PADI2: variants seen among roughly 807,000 people sequenced by gnomAD.
PADI2 encodes the protein peptidyl arginine deiminase 2.
PADI2 carries 70 observed loss-of-function variants against 81.1 expected under a neutral mutation model. That is an observed-to-expected ratio of 0.86 (90% CI 0.71 to 1.05). The LOEUF (loss-of-function observed/expected upper bound fraction) is 1.05, where lower values mean the gene tolerates loss of function less well. Among genes scored for constraint, PADI2 ranks in the 50% least tolerant of loss-of-function variants. The pLI is 0.00. For missense variants in PADI2, 853 were observed against 889.9 expected (o/e 0.96, Z 0.53); for synonymous variants, 338 against 358.0 (o/e 0.94, Z 0.63).
chr1:17,085,476 C>T (rs1256497576), intron 7 of PADI2, among the ~76,000 whole-genome samples: 1 of 152,092 alleles, frequency 6.6e-6, no homozygotes, highest in African/African-American at 2.4e-5. Flanking sequence ...CATCCCCGTC[C>T]CCTATCCTGT....
At chr1:17,069,603 G>A (rs1201679631) in intron 15 of PADI2, among the ~76,000 whole-genome samples, 1 of 152,182 alleles carries the variant, frequency 6.6e-6, no homozygotes, top group Non-Finnish European at 1.5e-5. Flanking sequence ...ATTTATGTGT[G>A]CATGTGTATT....
Position 17,109,824 on chromosome 1 carries a change from T to C in PADI2, c.93-4763A>G, listed in dbSNP as rs79089884. On this transcript the variant is annotated intron_variant, in intron 1 of 15. Coordinates refer to ENST00000375486, the MANE Select transcript of PADI2 (RefSeq NM_007365.3). The stretch of plus-strand genomic sequence containing the variant: ...CTATTATTTCATCTGGTTTTATATA[T>C]TGAGCTTCTGCACACAATTCTATTT... 1.1e-4 allele frequency among the ~76,000 whole-genome samples: 17 copies of C among 152,310 alleles called. No homozygotes were observed. In the East Asian group the frequency reaches 3.1e-3, roughly 28 times the overall value.
intron 3 of PADI2, among the ~76,000 whole-genome samples, chr1:17,098,124 C>G (rs1292545027): frequency 6.6e-6 from 1 of 152,174 alleles, no homozygotes; most frequent in Non-Finnish European, 1.5e-5. Context: ...GAGCCAGGCT[C>G]TCAGCAGGGC....
At chr1:17,075,556 A>G in intron 12 of PADI2, 123 bp downstream of exon 12, 5 of 898,740 alleles carry the variant, frequency 5.6e-6, no homozygotes, top group Non-Finnish European at 6.6e-6. Context: ...AACCAGCTTC[A>G]GCCTACTTCC....
At position 17,106,158 on chromosome 1, in the gene PADI2, C is replaced by A. The variant is rs374482949; in HGVS notation, c.93-1097G>T. 1.8e-4 allele frequency among the ~76,000 whole-genome samples: 27 copies of A among 152,212 alleles called. 1 individual carries two copies. The East Asian group carries it at 4.6e-3, about 26-fold the overall frequency. On this transcript the variant is annotated intron_variant, in intron 1 of 15. Coordinates refer to ENST00000375486, the MANE Select transcript of PADI2 (RefSeq NM_007365.3). ...CTTCCTTCCTGCCACAGCTTTCTTG[C>A]CACCTGACATCCCCCACCTTCTGAG...
chr1:17,104,924 A>C lies in PADI2; in HGVS notation c.230T>G (p.Leu77Arg), dbSNP rs150907149. 6.9e-6 allele frequency: 11 copies of C among 1,602,182 alleles called. No individual in the cohort carries two copies. In the African/African-American group the frequency reaches 1.3e-4, roughly 19 times the overall value. The change falls in exon 2 of 16, where the codon CTG (leucine) becomes CGG (arginine). Residue 77 changes from leucine (L) to arginine (R), a missense_variant. Leu to Arg is a moderately radical substitution (Grantham distance 102). Transcript: ENST00000375486. The stretch of plus-strand genomic sequence containing the variant: ...GCTCGCCTGGCTCATGGTGACCCGC[A>C]GGGTGGTGCTGGGCGAGAGAAGCCA... ...QRWLLSPSTT[L>R]RVTMSQASTE...
At chr1:17,088,799 C>G (rs1009055032) in intron 6 of PADI2, among the ~76,000 whole-genome samples, 3 of 149,006 alleles carry the variant, frequency 2.0e-5, no homozygotes, top group East Asian at 4.0e-4. Context: ...CCTAGCTACT[C>G]GGGAGGCTGA....
chr1:17,074,856 C>T lies in PADI2; in HGVS notation c.1549G>A (p.Gly517Ser), dbSNP rs150557436. 6.2e-7 allele frequency: 1 copy of T among 1,605,580 alleles called. No homozygotes were observed. The highest frequency in any genetic ancestry group is 8.5e-7 in the Non-Finnish European group (1 of 1,173,692). ...DGHGEAIMFK[G>S]LGGMSSKRIT... ...CTGTCAAGGCCCTGTGGCCACTCAC[C>T]TTTGAACATGATGGCCTCTCCATGG... Residue 517 changes from glycine to serine, a missense_variant and splice_region_variant, in exon 13 of 16, where the codon GGC (glycine) becomes AGC (serine). Gly to Ser is a moderately conservative substitution (Grantham distance 56). Transcript: ENST00000375486.
chr1:17,088,962 T>C (rs540502012), intron 6 of PADI2, among the ~76,000 whole-genome samples: 1 of 145,802 alleles, frequency 6.9e-6, no homozygotes, highest in African/African-American at 2.5e-5. Flanking sequence ...TTAACCTCCC[T>C]GAGCCTCAGT....
intron 11 of PADI2, among the ~76,000 whole-genome samples, chr1:17,078,840 T>C (rs1343355065): frequency 6.6e-6 from 1 of 151,904 alleles, no homozygotes; most frequent in Non-Finnish European, 1.5e-5. Flanking sequence ...GGACTACAGA[T>C]GCATGCCACC....
rs2078234820 is a variant in PADI2 at position 17,067,883 on chromosome 1, T to G, written c.*1161A>C. The G allele has an allele frequency of 6.6e-6, 1 of 152,420 alleles. No individual in the cohort carries two copies. Among genetic ancestry groups the G allele is most frequent in the African/African-American group, 2.4e-5 (1 of 41,458 alleles). The allele number at this position is 152,420 out of a possible 1,614,324, so 9.4% of individuals were successfully genotyped here. On this transcript the variant is annotated 3_prime_UTR_variant, in exon 16 of 16. Transcript: ENST00000375486. Reference sequence around the variant, plus strand: ...TGGCCCTAAAGGAACTTTTAACGATTGAAACTGAGTCTTTTCAGTTGGAGC... The same window carrying G: ...TGGCCCTAAAGGAACTTTTAACGATGGAAACTGAGTCTTTTCAGTTGGAGC...
chr1:17,118,835 G>A (rs934362184), intron 1 of PADI2, among the ~76,000 whole-genome samples: 1 of 152,064 alleles, frequency 6.6e-6, no homozygotes, highest in African/African-American at 2.4e-5. Flanking sequence ...CCCAGTCCCC[G>A]GCAAGTCTCC....
Position 17,069,008 on chromosome 1 carries a change from T to G in PADI2, c.*36A>C. 6.8e-7 allele frequency: 1 copy of G among 1,479,680 alleles called. No individual in the cohort carries two copies. The highest frequency in any genetic ancestry group is 9.5e-7 in the Non-Finnish European group (1 of 1,057,572). The allele number at this position is 1,479,680 out of a possible 1,614,324, so 91.7% of individuals were successfully genotyped here. A position where few individuals can be genotyped will look rare whatever the true frequency, so the allele number is the denominator to read the frequency against. ...GCGTGTGAGGGAGGGTCTGGAGAAC[T>G]AAGCGAAGGAGGCAAACGCCAGGGC... On this transcript the variant is annotated 3_prime_UTR_variant, in exon 16 of 16. Transcript: ENST00000375486.
intron 3 of PADI2, among the ~76,000 whole-genome samples, chr1:17,098,316 C>G (rs988453285): frequency 6.6e-6 from 1 of 152,200 alleles, no homozygotes; most frequent in Non-Finnish European, 1.5e-5. Context: ...CGTCTCTAGG[C>G]CGTAAGGTGA....
chr1:17,100,315 C>T (rs1424344780), intron 3 of PADI2, among the ~76,000 whole-genome samples: 1 of 152,140 alleles, frequency 6.6e-6, no homozygotes, highest in East Asian at 1.9e-4. Flanking sequence ...GACAGAGTCT[C>T]ATTCTGTCGC....
chr1:17,116,201 G>T (rs1330276238), intron 1 of PADI2, among the ~76,000 whole-genome samples: 1 of 152,258 alleles, frequency 6.6e-6, no homozygotes, highest in Non-Finnish European at 1.5e-5. Flanking sequence ...GTAGGGCAGT[G>T]CCTGCCAGGA....
Position 17,068,791 on chromosome 1 carries a change from CT to C in PADI2, c.*252del. The C allele has an allele frequency of 1.8e-6, 1 of 544,380 alleles. No homozygotes were observed. Among genetic ancestry groups the C allele is most frequent in the Admixed American group, 3.2e-5 (1 of 31,588 alleles). 33.7% of individuals were successfully genotyped at this position (544,380 alleles called of 1,614,324 possible). On this transcript the variant is annotated 3_prime_UTR_variant, in exon 16 of 16. Transcript: ENST00000375486. ...TGCTGTGTTTTGTTGTGTTCTGTTC[CT>C]TATGTCAGGGCTACAGAGACACTGG...
intron 3 of PADI2, among the ~76,000 whole-genome samples, chr1:17,102,198 T>C (rs1363304363): frequency 6.6e-6 from 1 of 152,200 alleles, no homozygotes; most frequent in Non-Finnish European, 1.5e-5. Context: ...CCCTCTGAAA[T>C]GTCCTCTTGG....
In PADI2 at chr1:17,082,134, G is replaced by T. The variant is rs562121934; in HGVS notation, c.1158+411C>A. 2.6e-5 allele frequency among the ~76,000 whole-genome samples: 4 copies of T among 152,010 alleles called. No individual in the cohort carries two copies. In the East Asian group the frequency reaches 7.7e-4, roughly 29 times the overall value. On this transcript the variant is annotated intron_variant, in intron 10 of 15. Transcript: ENST00000375486. Reference sequence around the variant, plus strand: ...CAAAAACAAACACACACATACACACGCACCAAAAACCATAGCCTCAAAGTG... The same window carrying T: ...CAAAAACAAACACACACATACACACTCACCAAAAACCATAGCCTCAAAGTG...
Sources: allele counts gnomAD v4.1 joint callset (sites outside exome capture counted in the v4.1 genomes callset), GRCh38; gene constraint gnomAD v4.1.1; transcripts MANE v1.5; gene names NCBI Gene and HGNC (gene_info 2026-07-23, HGNC 2026-07-21).